Variants in BCR observed in about 807,000 individuals in gnomAD.
BCR encodes BCR activator of RhoGEF and GTPase.
A neutral mutation model predicts 138.6 loss-of-function variants in BCR; 58 were observed. That is an observed-to-expected ratio of 0.42 (90% CI 0.34 to 0.52). BCR has a LOEUF of 0.52. BCR is among the 20% of genes least tolerant of loss of function. The pLI, the probability that BCR is intolerant of heterozygous loss-of-function variation, is 0.06. For missense variants in BCR, 1,599 were observed against 1,727.2 expected, an observed-to-expected ratio of 0.93 and a Z score of 1.32; for synonymous variants, 786 against 730.1, an observed-to-expected ratio of 1.08 and a Z score of -1.23.
chr22:23,313,863 G>A, intron 20 of BCR, 105 bp from the exon 21 acceptor site: 1 of 917,214 alleles, frequency 1.1e-6, no homozygotes, highest in African/African-American at 1.6e-5. Flanking sequence ...ATGATGACGA[G>A]CCTGGGCTGT....
At chr22:23,314,828 A>G (rs545793360) in intron 22 of BCR, 114 bp downstream of exon 22, 24 of 1,355,322 alleles carry the variant, frequency 1.8e-5, no homozygotes, top group East Asian at 1.5e-4. Flanking sequence ...GGTGTGGCCA[A>G]CATTCACAGA....
intron 8 of BCR, among the ~76,000 whole-genome samples, chr22:23,279,747 G>A (rs930128256): frequency 6.6e-6 from 1 of 152,240 alleles, no homozygotes; most frequent in Non-Finnish European, 1.5e-5. Flanking sequence ...TCGTGTACCT[G>A]GGGAAGTTTT....
chr22:23,226,276 T>C (rs1007660226), intron 1 of BCR, among the ~76,000 whole-genome samples: 2 of 151,756 alleles, frequency 1.3e-5, no homozygotes, highest in Non-Finnish European at 2.9e-5. Flanking sequence ...CCTGAAGTAA[T>C]TATTTTATAT....
chr22:23,272,929 T>C lies in BCR; in HGVS notation c.1922-152T>C, dbSNP rs375260765. ...GACTTAAAGTGTTCCTGTTGGGTGC[T>C]CTAGCCTTGCCCTTGTCACTGCGCA... On this transcript the variant is annotated intron_variant, in intron 6 of 22. Coordinates refer to ENST00000305877, the MANE Select transcript of BCR (RefSeq NM_004327.4). The C allele has an allele frequency of 7.8e-5, 59 of 759,928 alleles. No homozygotes were observed. In the East Asian group the frequency reaches 1.1e-3, roughly 14 times the overall value. The allele number at this position is 759,928 out of a possible 1,614,324, so 47.1% of individuals were successfully genotyped here.
At chr22:23,186,044 T>TG (rs2072339134) in intron 1 of BCR, among the ~76,000 whole-genome samples, 1 of 152,188 alleles carries the variant, frequency 6.6e-6, no homozygotes, top group Non-Finnish European at 1.5e-5. Context: ...GTGTGGTTCT[T>TG]GCGATCTGGG....
chr22:23,263,132 G>T lies in BCR; in HGVS notation c.1752+1592G>T, dbSNP rs1315107301. The stretch of plus-strand genomic sequence containing the variant: ...GGGCCTACATCCCGGGGACAGGGGC[G>T]GCCATGGCGGCGGCAGCCAGGGAGG... On this transcript the variant is annotated intron_variant, in intron 4 of 22. Transcript: ENST00000305877. 4 of 707,736 alleles carry T rather than the reference G, an allele frequency of 5.7e-6. No homozygotes were observed. The Admixed American group carries it at 8.9e-5, about 16-fold the overall frequency. 43.8% of individuals were successfully genotyped at this position (707,736 alleles called of 1,614,324 possible). A position where few individuals can be genotyped will look rare whatever the true frequency, so the allele number is the denominator to read the frequency against.
At chr22:23,254,022 G>A in intron 2 of BCR, 42 bp downstream of exon 2, 1 of 1,574,578 alleles carries the variant, frequency 6.4e-7, no homozygotes. Flanking sequence ...GGCCAGGTGA[G>A]GCTCCCTGAA....
In BCR at chr22:23,290,718, G is replaced by A. The variant is rs373030539; in HGVS notation, c.2782+305G>A. 5.4e-5 allele frequency: 21 copies of A among 389,210 alleles called. No homozygotes were observed. In the East Asian group the frequency reaches 8.2e-4, roughly 15 times the overall value. 24.1% of individuals were successfully genotyped at this position (389,210 alleles called of 1,614,324 possible). ...CAAGGACTTTGACAGACATCCCCAG[G>A]GGTGCCCGGGAGTGTGGGGTCCAAG... On this transcript the variant is annotated intron_variant, in intron 14 of 22. Coordinates refer to ENST00000305877, the MANE Select transcript of BCR (RefSeq NM_004327.4).
At chr22:23,276,330 C>T (rs1418754182) in intron 8 of BCR, among the ~76,000 whole-genome samples, 1 of 149,524 alleles carries the variant, frequency 6.7e-6, no homozygotes, top group Non-Finnish European at 1.5e-5. Flanking sequence ...ACCTGGGAGG[C>T]GGAGGTTGCA....
chr22:23,185,101 C>T (rs1402722287), intron 1 of BCR, among the ~76,000 whole-genome samples: 2 of 152,212 alleles, frequency 1.3e-5, no homozygotes, highest in Non-Finnish European at 2.9e-5. Context: ...TCCCATAGGG[C>T]CCCTCATGGG....
In BCR at chr22:23,261,541, G is replaced by C; in HGVS notation, c.1752+1G>C. 1 of 1,611,284 alleles carries C rather than the reference G, an allele frequency of 6.2e-7. No homozygotes were observed. Among genetic ancestry groups the C allele is most frequent in the South Asian group, 1.1e-5 (1 of 91,048 alleles). On this transcript the variant is annotated splice_donor_variant, in intron 4 of 22. Transcript: ENST00000305877. LOFTEE classifies it high-confidence loss of function. Reference sequence around the variant, plus strand: ...GGTGGGCGACCTCTTCCAGAAGCTGGTGAGTAACCCAGGGCCGGTGCTGGG... The same window carrying C: ...GGTGGGCGACCTCTTCCAGAAGCTGCTGAGTAACCCAGGGCCGGTGCTGGG...
intron 8 of BCR, among the ~76,000 whole-genome samples, chr22:23,276,785 T>G (rs1486854460): frequency 7.0e-6 from 1 of 142,904 alleles, no homozygotes; most frequent in East Asian, 1.9e-4. Context: ...TTTGCAGTCC[T>G]TGATGCAGAA....
At chr22:23,297,548 C>T (rs550481978) in intron 16 of BCR, among the ~76,000 whole-genome samples, 4 of 152,266 alleles carry the variant, frequency 2.6e-5, no homozygotes, top group African/African-American at 9.6e-5. Flanking sequence ...CTTCTCTCTC[C>T]CTCTCCATGT....
chr22:23,215,308 C>T (rs1192848166), intron 1 of BCR, among the ~76,000 whole-genome samples: 7 of 152,240 alleles, frequency 4.6e-5, no homozygotes, highest in Admixed American at 1.3e-4. Context: ...TGCTTTTACT[C>T]TTGACCCCTT....
intron 16 of BCR, chr22:23,302,221 G>T (rs1246136769): frequency 6.6e-6 from 1 of 152,460 alleles, no homozygotes; most frequent in African/African-American, 2.4e-5. Flanking sequence ...CAGCTCATCA[G>T]CACCATTAAG....
intron 4 of BCR, chr22:23,264,506 G>C (rs2073414360): frequency 3.6e-6 from 2 of 555,248 alleles, no homozygotes; most frequent in African/African-American, 3.8e-5. Context: ...TGCAGTAGAG[G>C]CTTCTGACTC....
intron 6 of BCR, 23 bp downstream of exon 6, chr22:23,271,615 T>G: frequency 6.2e-7 from 1 of 1,611,150 alleles, no homozygotes; most frequent in Admixed American, 1.7e-5. Context: ...TGCTGAGGTC[T>G]CTGTGTGCCC....
At chr22:23,249,986 C>A (rs576808637) in intron 1 of BCR, among the ~76,000 whole-genome samples, 1 of 152,328 alleles carries the variant, frequency 6.6e-6, no homozygotes, top group Non-Finnish European at 1.5e-5. Context: ...GCCGTGAGAC[C>A]TAGTCTCTCT....
intron 16 of BCR, among the ~76,000 whole-genome samples, chr22:23,299,694 T>TTTTA (rs2073883513): frequency 6.9e-6 from 1 of 145,872 alleles, no homozygotes; most frequent in Admixed American, 6.9e-5. Flanking sequence ...GATCTAGAGT[T>TTTTA]TATATATATA....
Sources: gnomAD v4.1 joint callset for allele counts (sites outside exome capture counted in the v4.1 genomes callset) on GRCh38, gnomAD v4.1.1 for gene constraint, MANE v1.5 for transcripts, NCBI Gene and HGNC (gene_info 2026-07-23, HGNC 2026-07-21) for gene names.